CPNE4: variants seen among roughly 807,000 people sequenced by gnomAD.
CPNE4 encodes the protein copine 4, also known as copine-4.
Under a neutral mutation model 67.9 loss-of-function variants are expected in CPNE4, and 25 were observed. That is an observed-to-expected ratio of 0.37 (90% CI 0.27 to 0.51). CPNE4 has a LOEUF of 0.51. Ranked by LOEUF, CPNE4 falls within the 20% of genes least tolerant of loss-of-function variation. The probability of loss-of-function intolerance (pLI) is 0.93; values close to 1 mark genes in which losing one functional copy is unlikely to be tolerated. For missense variants in CPNE4, 464 were observed against 690.8 expected, an observed-to-expected ratio of 0.67 and a Z score of 3.68; for synonymous variants, 242 against 244.9, an observed-to-expected ratio of 0.99 and a Z score of 0.11.
intron 1 of CPNE4, among the ~76,000 whole-genome samples, chr3:131,914,216 T>G (rs2089092688): frequency 6.6e-6 from 1 of 152,158 alleles, no homozygotes; most frequent in Non-Finnish European, 1.5e-5. Context: ...AAAGCAAGGA[T>G]TTGAACCCAG....
chr3:131,672,486 GTATT>G (rs1354345545), intron 6 of CPNE4, among the ~76,000 whole-genome samples: 3 of 151,978 alleles, frequency 2.0e-5, no homozygotes, highest in Admixed American at 1.3e-4. Context: ...ATCCTTGCCA[GTATT>G]TATTATGGCC....
chr3:131,725,608 A>G (rs911042489), intron 2 of CPNE4, among the ~76,000 whole-genome samples: 2 of 152,222 alleles, frequency 1.3e-5, no homozygotes, highest in African/African-American at 2.4e-5. Flanking sequence ...AGAATTTACT[A>G]TATCAGCATA....
intron 7 of CPNE4, among the ~76,000 whole-genome samples, chr3:131,627,193 CAA>C (rs57977015): frequency 1.3e-4 from 9 of 68,352 alleles, no homozygotes; most frequent in Admixed American, 1.8e-4. Flanking sequence ...GACTCCATCT[CAA>C]AAAAAAAAAA....
intron 7 of CPNE4, among the ~76,000 whole-genome samples, chr3:131,591,432 A>T (rs1938524287): frequency 6.6e-6 from 1 of 152,124 alleles, no homozygotes; most frequent in South Asian, 2.1e-4. Context: ...TCACCCCTTC[A>T]TTGCCCTCCA....
chr3:131,713,098 G>A (rs1422147997), intron 3 of CPNE4, among the ~76,000 whole-genome samples: 1 of 151,574 alleles, frequency 6.6e-6, no homozygotes, highest in Non-Finnish European at 1.5e-5. Context: ...TGGCTTAAAG[G>A]ATTAGGATCA....
intron 5 of CPNE4, among the ~76,000 whole-genome samples, chr3:131,687,446 G>C (rs1285298195): frequency 6.6e-6 from 1 of 152,138 alleles, no homozygotes; most frequent in African/African-American, 2.4e-5. Context: ...GGCTATCTGA[G>C]CAAAAACCTT....
intron 2 of CPNE4, among the ~76,000 whole-genome samples, chr3:131,784,343 C>A (rs77432137): frequency 0.12 from 18,373 of 151,994 alleles, 1,196 homozygotes; most frequent in African/African-American, 0.14. Context: ...TGCACTGGTA[C>A]CTAATATAAA....
chr3:131,749,941 T>C (rs1415620692), intron 2 of CPNE4, among the ~76,000 whole-genome samples: 1 of 152,134 alleles, frequency 6.6e-6, no homozygotes, highest in Non-Finnish European at 1.5e-5. Context: ...TCCAAGAGCA[T>C]ATCTCCAGCA....
intron 1 of CPNE4, among the ~76,000 whole-genome samples, chr3:131,968,130 G>A (rs2072402737): frequency 6.6e-6 from 1 of 152,106 alleles, no homozygotes; most frequent in East Asian, 1.9e-4. Flanking sequence ...TTTAATAAAT[G>A]GTATTGGGAA....
Position 131,723,584 on chromosome 3 carries a change from C to T in CPNE4, c.222G>A (p.Val74=), listed in dbSNP as rs1228871299. 3 of 1,614,128 alleles carry T rather than the reference C, an allele frequency of 1.9e-6. No individual in the cohort carries two copies. Among genetic ancestry groups the T allele is most frequent in the Middle Eastern group, 1.7e-4 (1 of 6,034 alleles). The part of the protein sequence containing the change: ...TEVIRTCINP[V]YSKLFTVDFY... ...AGTCCACAGTAAACAGTTTTGAGTA[C>T]ACTGGGTTTATGCAGGTGCGAATCA... Residue 74 remains valine (V), a synonymous_variant, in exon 3 of 16, where the codon GTG becomes GTA. Transcript: ENST00000429747.
chr3:131,910,200 T>C (rs912012939), intron 1 of CPNE4, among the ~76,000 whole-genome samples: 8 of 152,118 alleles, frequency 5.3e-5, no homozygotes, highest in Non-Finnish European at 7.4e-5. Flanking sequence ...GCAAGTGTTA[T>C]GTTGGGTTTC....
At position 131,976,262 on chromosome 3, in the gene CPNE4, AT is replaced by A. The variant is rs139263987; in HGVS notation, c.-2+58304del. ...GTGAGACTTACTTTTGTAGGGTTTAATTTTTTTTTTAATACTTAGACCATGG... is the reference window on the plus strand; with the variant it reads ...GTGAGACTTACTTTTGTAGGGTTTAATTTTTTTTTAATACTTAGACCATGG... On this transcript the variant is annotated intron_variant, in intron 1 of 15. Coordinates refer to ENST00000429747, the MANE Select transcript of CPNE4 (RefSeq NM_130808.3). Among the ~76,000 whole-genome samples, 971 of 149,524 alleles carry A rather than the reference AT, an allele frequency of 6.5e-3. 12 individuals are homozygous for A. Among genetic ancestry groups the A allele is most frequent in the African/African-American group, 0.021 (873 of 40,794 alleles).
At chr3:131,867,370 G>A (rs772193215) in intron 2 of CPNE4, among the ~76,000 whole-genome samples, 1 of 152,120 alleles carries the variant, frequency 6.6e-6, no homozygotes, top group African/African-American at 2.4e-5. Flanking sequence ...TGAACAAAAA[G>A]TTAAACAGAT....
chr3:131,814,705 C>T (rs868722323), intron 2 of CPNE4, among the ~76,000 whole-genome samples: 3 of 134,510 alleles, frequency 2.2e-5, no homozygotes, highest in African/African-American at 3.2e-5. Flanking sequence ...CCCGGGTTCA[C>T]GCCATTCTCC....
intron 13 of CPNE4, among the ~76,000 whole-genome samples, chr3:131,551,364 CT>C (rs1936162159): frequency 1.3e-5 from 2 of 152,052 alleles, no homozygotes; most frequent in African/African-American, 2.4e-5. Flanking sequence ...GGTTCTTGAG[CT>C]TTTGCCTAAG....
At chr3:131,622,018 CAAA>C (rs34415771) in intron 7 of CPNE4, among the ~76,000 whole-genome samples, 2 of 58,038 alleles carry the variant, frequency 3.4e-5, no homozygotes, top group Non-Finnish European at 3.9e-5. Context: ...GACCCTGTCT[CAAA>C]AAAAAAAAAA....
intron 1 of CPNE4, among the ~76,000 whole-genome samples, chr3:131,987,263 A>C (rs73208135): frequency 0.19 from 28,337 of 152,212 alleles, 3,417 homozygotes; most frequent in East Asian, 0.37. Context: ...TATTGACTGA[A>C]AAGAAGAAGG....
rs557910040 is a variant in CPNE4, at chr3:131,654,438, C to T, written c.681+15237G>A. On this transcript the variant is annotated intron_variant, in intron 7 of 15. Coordinates refer to ENST00000429747, the MANE Select transcript of CPNE4 (RefSeq NM_130808.3). ...GGTAGGCCCCAGCGTCTGTTGTTCC[C>T]CTCTTTGTGTCCACGTGTTCTCATC... 3.9e-5 allele frequency among the ~76,000 whole-genome samples: 6 copies of T among 152,096 alleles called. No homozygotes were observed. The East Asian group carries it at 9.7e-4, about 24-fold the overall frequency.
chr3:131,647,752 A>C (rs745596705), intron 7 of CPNE4, among the ~76,000 whole-genome samples: 1 of 152,082 alleles, frequency 6.6e-6, no homozygotes, highest in African/African-American at 2.4e-5. Flanking sequence ...TCAAAATAGA[A>C]ACTGGAGAGG....
Sources: gnomAD v4.1 joint callset for allele counts (sites outside exome capture counted in the v4.1 genomes callset) on GRCh38, gnomAD v4.1.1 for gene constraint, MANE v1.5 for transcripts, NCBI Gene and HGNC (gene_info 2026-07-23, HGNC 2026-07-21) for gene names.